Variants in ATP7B observed in about 807,000 individuals in gnomAD.
The protein encoded by ATP7B is copper-transporting ATPase 2.
Under a neutral mutation model 118.9 loss-of-function variants are expected in ATP7B, and 113 were observed. That is an observed-to-expected ratio of 0.95 (90% confidence interval 0.82 to 1.11). The LOEUF (loss-of-function observed/expected upper bound fraction) is 1.11. Ranked by LOEUF, ATP7B falls within the 50% of genes most tolerant of loss-of-function variation. The pLI is 0.00. For missense variants in ATP7B, 1,867 were observed against 1,871.4 expected, an observed-to-expected ratio of 1.00 and a Z score of 0.04; for synonymous variants, 777 against 727.4, an observed-to-expected ratio of 1.07 and a Z score of -1.10.
chr13:51,984,268 T>C (rs1952550212), intron 1 of ATP7B, among the ~76,000 whole-genome samples: 1 of 151,944 alleles, frequency 6.6e-6, no homozygotes, highest in South Asian at 2.1e-4. Context: ...TCGTGAAGCA[T>C]ACACAAGTAT....
At position 51,974,309 on chromosome 13, in the gene ATP7B, G is replaced by A. The variant is rs571080835; in HGVS notation, c.911C>T (p.Ser304Phe). ...NKTAQVKYDP[S>F]CTSPVALQRA... ...CTGCAGAGCCACTGGGCTGGTACAA[G>A]AAGGGTCATACTTTACTTGGGCAGT... The change falls in exon 2 of 21, where the codon TCT becomes TTT. Residue 304 changes from serine (S) to phenylalanine (F), a missense_variant. Physicochemically the swap from Ser to Phe is radical, Grantham distance 155 (BLOSUM62 -2). Transcript: ENST00000242839. 7 of 1,614,154 alleles carry A rather than the reference G, an allele frequency of 4.3e-6. No individual in the cohort carries two copies. The highest frequency in any genetic ancestry group is 4.0e-5 in the African/African-American group (3 of 75,054).
At chr13:51,973,620 C>G (rs1951947046) in intron 2 of ATP7B, among the ~76,000 whole-genome samples, 1 of 152,228 alleles carries the variant, frequency 6.6e-6, no homozygotes, top group African/African-American at 2.4e-5. Flanking sequence ...TGGCCCTCAA[C>G]CTTAGACTTC....
At chr13:51,987,029 C>A (rs1280759347) in intron 1 of ATP7B, among the ~76,000 whole-genome samples, 1 of 152,210 alleles carries the variant, frequency 6.6e-6, no homozygotes, top group Non-Finnish European at 1.5e-5. Context: ...TGCCCTCTCT[C>A]ACCACTCCTA....
intron 12 of ATP7B, among the ~76,000 whole-genome samples, chr13:51,947,396 C>T (rs1351933791): frequency 6.6e-6 from 1 of 152,088 alleles, no homozygotes; most frequent in Non-Finnish European, 1.5e-5. Context: ...GACCTACTTT[C>T]CAGACACTTG....
At chr13:51,946,861 A>C (rs1010766505) in intron 12 of ATP7B, among the ~76,000 whole-genome samples, 4 of 152,244 alleles carry the variant, frequency 2.6e-5, no homozygotes, top group African/African-American at 9.6e-5. Context: ...ATACACATAT[A>C]AACATATAAA....
chr13:51,964,108 AACACACACACACACAC>A (rs17334263), intron 5 of ATP7B, among the ~76,000 whole-genome samples: 3 of 145,748 alleles, frequency 2.1e-5, no homozygotes, highest in Admixed American at 6.9e-5. Flanking sequence ...TCTCTCTTTA[AACACACACACACACAC>A]ACACACACAC....
Position 51,988,212 on chromosome 13 carries a change from GA to G in ATP7B, c.52-13045del, listed in dbSNP as rs769179180. Among the ~76,000 whole-genome samples the G allele has an allele frequency of 1.6e-3, 237 of 143,878 alleles. 3 individuals are homozygous for G. In the East Asian group the frequency reaches 0.023, roughly 14 times the overall value. 94.4% of individuals were successfully genotyped at this position (143,878 alleles called of 152,430 possible). A position where few individuals can be genotyped will look rare whatever the true frequency, so the allele number is the denominator to read the frequency against. On this transcript the variant is annotated intron_variant, in intron 1 of 20. Transcript: ENST00000242839. ...ACAAGGAACTTAAACAAATTTACAA[GA>G]AAAAAAAAACAACCCCATCAAAAAG...
intron 5 of ATP7B, 124 bp downstream of exon 5, chr13:51,964,748 T>C (rs1958974321): frequency 3.3e-6 from 4 of 1,199,844 alleles, no homozygotes; most frequent in Admixed American, 2.3e-5. Context: ...CTTATTTCCA[T>C]GGGAAAAGTT....
chr13:51,935,402 A>T (rs1333639920), intron 20 of ATP7B, among the ~76,000 whole-genome samples, 191 bp downstream of exon 20: 3 of 152,244 alleles, frequency 2.0e-5, no homozygotes, highest in South Asian at 2.1e-4. Flanking sequence ...GTGAATGGGC[A>T]GCAGTGAATT....
In ATP7B at chr13:51,946,306, T is replaced by C. The variant is rs955438138; in HGVS notation, c.3038A>G (p.Lys1013Arg). 6 of 1,596,506 alleles carry C rather than the reference T, an allele frequency of 3.8e-6. No homozygotes were observed. Among genetic ancestry groups the C allele is most frequent in the Non-Finnish European group, 3.4e-6 (4 of 1,171,974 alleles). Reference protein sequence around the residue: ...AQNGILIKGGKPLEMAHKIKT... With the variant: ...AQNGILIKGGRPLEMAHKIKT... Reference sequence around the variant, plus strand: ...GACCTTGTGCGCCATCTCCAGGGGCTTGCCTCCCTTGATGAGGATGCCGTT... The same window carrying C: ...GACCTTGTGCGCCATCTCCAGGGGCCTGCCTCCCTTGATGAGGATGCCGTT... The change falls in exon 13 of 21, where the codon AAG (lysine) becomes AGG (arginine). Residue 1013 changes from lysine (K) to arginine (R), a missense_variant. By Grantham distance (26) the Lys-to-Arg change is conservative. Transcript: ENST00000242839.
chr13:51,937,351 TCTTGGAAAGGTGAATG>T lies in ATP7B; in HGVS notation c.3930_3945del (p.Ser1310ArgfsTer15). Reference sequence around the variant, plus strand: ...TTGATGCGTATCCTTCGGACAGTCCTCTTGGAAAGGTGAATGCTAGCCACCACATCCAGCAAATCAT... The same window carrying T: ...TTGATGCGTATCCTTCGGACAGTCCTCTAGCCACCACATCCAGCAAATCAT... On this transcript the variant is annotated frameshift_variant, in exon 19 of 21. Transcript: ENST00000242839. LOFTEE classifies it high-confidence loss of function. 1 of 1,614,202 alleles carries T rather than the reference TCTTGGAAAGGTGAATG, an allele frequency of 6.2e-7. No individual in the cohort carries two copies. The highest frequency in any genetic ancestry group is 8.5e-7 in the Non-Finnish European group (1 of 1,180,034).
intron 5 of ATP7B, among the ~76,000 whole-genome samples, chr13:51,964,108 A>AACACACACACACACACACAC: frequency 6.9e-6 from 1 of 145,748 alleles, no homozygotes; most frequent in Admixed American, 6.9e-5. Flanking sequence ...TCTCTCTTTA[A>AACACACACACACACACACAC]ACACACACAC....
chr13:51,960,496 A>C (rs1043215118), intron 6 of ATP7B, among the ~76,000 whole-genome samples, 174 bp from the exon 7 acceptor site: 9 of 152,250 alleles, frequency 5.9e-5, no homozygotes, highest in Admixed American at 3.3e-4. Flanking sequence ...TGGCCATCTG[A>C]GGGAGCATCT....
At position 51,944,156 on chromosome 13, in the gene ATP7B, T is replaced by C. The variant is rs1329656592; in HGVS notation, c.3196A>G (p.Ser1066Gly). ...GCCACGCCCAAGGGGTGTTCACTGC[T>C]GGCCTCCGCAGTCCCCACCACAGCC... ...VLAVVGTAEA[S>G]SEHPLGVAVT... Residue 1066 changes from serine to glycine, a missense_variant, in exon 14 of 21, where the codon AGC becomes GGC. Coordinates refer to ENST00000242839, the MANE Select transcript of ATP7B (RefSeq NM_000053.4). 1 of 1,614,176 alleles carries C rather than the reference T, an allele frequency of 6.2e-7. No individual in the cohort carries two copies. Among genetic ancestry groups the C allele is most frequent in the South Asian group, 1.1e-5 (1 of 91,086 alleles).
upstream of ATP7B, chr13:52,011,920 T>A: frequency 3.7e-6 from 1 of 267,044 alleles, no homozygotes. Context: ...CGGCGCCGCG[T>A]CGGGTCCGCT....
At chr13:52,009,022 A>G (rs979175979) in intron 1 of ATP7B, among the ~76,000 whole-genome samples, 4 of 151,912 alleles carry the variant, frequency 2.6e-5, no homozygotes, top group Non-Finnish European at 5.9e-5. Flanking sequence ...CGACAGGCAC[A>G]CACCATTATG....
chr13:51,958,918 T>C (rs976086559), intron 7 of ATP7B: 2 of 294,658 alleles, frequency 6.8e-6, no homozygotes, highest in East Asian at 8.2e-5. Flanking sequence ...AGATGTCTAA[T>C]ACATAGTTAA....
chr13:52,010,630 A>G (rs1444443235), intron 1 of ATP7B, among the ~76,000 whole-genome samples: 1 of 152,256 alleles, frequency 6.6e-6, no homozygotes, highest in Non-Finnish European at 1.5e-5. Context: ...AAATTTTAAC[A>G]CCTCATACAA....
intron 1 of ATP7B, among the ~76,000 whole-genome samples, chr13:51,994,076 C>T (rs189249412): frequency 4.2e-4 from 64 of 152,286 alleles, no homozygotes; most frequent in Admixed American, 3.6e-3. Flanking sequence ...CAAGCATTTT[C>T]ACCCCAACAT....
Sources: allele counts gnomAD v4.1 joint callset (sites outside exome capture counted in the v4.1 genomes callset), GRCh38; gene constraint gnomAD v4.1.1; transcripts MANE v1.5; gene names NCBI Gene and HGNC (gene_info 2026-07-23, HGNC 2026-07-21).